Variants in WWP1 observed in about 807,000 individuals in gnomAD.
The protein encoded by WWP1 is NEDD4-like E3 ubiquitin-protein ligase WWP1.
In WWP1, 49 loss-of-function variants were observed where a neutral mutation model predicts 130.6. The observed-to-expected ratio is 0.38, with a 90% CI of 0.30 to 0.48. The LOEUF is 0.48. Among genes scored for constraint, WWP1 ranks in the 20% least tolerant of loss-of-function variants. WWP1 has a pLI of 0.99. For synonymous variants in WWP1, 332 were observed against 367.8 expected, an observed-to-expected ratio of 0.90 and a Z score of 1.11; for missense variants, 809 against 1,100.6, an observed-to-expected ratio of 0.74 and a Z score of 3.75.
At chr8:86,350,733 T>G (rs951881028) in intron 1 of WWP1, among the ~76,000 whole-genome samples, 1 of 152,178 alleles carries the variant, frequency 6.6e-6, no homozygotes, top group Non-Finnish European at 1.5e-5. Flanking sequence ...GGAAAACAAG[T>G]TCTTTTGATA....
intron 2 of WWP1, among the ~76,000 whole-genome samples, chr8:86,373,343 T>A (rs1824443347): frequency 1.3e-5 from 2 of 152,180 alleles, no homozygotes; most frequent in South Asian, 4.1e-4. Flanking sequence ...TCTGTTGATG[T>A]TATTAAATCC....
chr8:86,406,368 C>G lies in WWP1; in HGVS notation c.724+4165C>G, dbSNP rs1387300571. ...AACTTCTAGTGTCAAATAACTTTTTCTAATATATAGTTGTTATTTTATTAA... is the reference window on the plus strand; with the variant it reads ...AACTTCTAGTGTCAAATAACTTTTTGTAATATATAGTTGTTATTTTATTAA... On this transcript the variant is annotated intron_variant, in intron 8 of 24. Coordinates refer to ENST00000517970, the MANE Select transcript of WWP1 (RefSeq NM_007013.4). Among the ~76,000 whole-genome samples, 12 of 152,216 alleles carry G rather than the reference C, an allele frequency of 7.9e-5. No homozygotes were observed. The East Asian group carries it at 9.6e-4, about 12-fold the overall frequency.
intron 22 of WWP1, among the ~76,000 whole-genome samples, chr8:86,458,333 C>A (rs916020925): frequency 6.6e-6 from 1 of 152,102 alleles, no homozygotes; most frequent in Admixed American, 6.5e-5. Context: ...CCACTTAATT[C>A]TAGAAGTAAA....
chr8:86,462,585 C>T (rs1340647570), intron 24 of WWP1, among the ~76,000 whole-genome samples: 1 of 152,098 alleles, frequency 6.6e-6, no homozygotes, highest in Non-Finnish European at 1.5e-5. Context: ...CCAGAAAAAT[C>T]GGCCAGAAAA....
chr8:86,389,997 C>G (rs866712618), intron 5 of WWP1, among the ~76,000 whole-genome samples: 17 of 149,626 alleles, frequency 1.1e-4, no homozygotes, highest in Admixed American at 8.6e-4. Context: ...CCGGCAGAGA[C>G]GCTCCTCACC....
In WWP1 at chr8:86,431,502, C is replaced by T. The variant is rs1212822913; in HGVS notation, c.1472+12C>T. 6.2e-7 allele frequency: 1 copy of T among 1,612,230 alleles called. No homozygotes were observed. The highest frequency in any genetic ancestry group is 8.5e-7 in the Non-Finnish European group (1 of 1,179,086). On this transcript the variant is annotated intron_variant, in intron 13 of 24. Transcript: ENST00000517970. ...CCAAGAACTCAAGGGTATGTATATA[C>T]AGCAGCCTTAAGTCGTCTTGCATAT...
At chr8:86,380,973 G>C in intron 4 of WWP1, 109 bp downstream of exon 4, 2 of 1,297,814 alleles carry the variant, frequency 1.5e-6, no homozygotes, top group South Asian at 4.3e-5. Context: ...TTTTTTTAAA[G>C]TGTGGATCGA....
At position 86,376,547 on chromosome 8, in the gene WWP1, G is replaced by A. The variant is rs113980980; in HGVS notation, c.70+2427G>A. On this transcript the variant is annotated intron_variant, in intron 3 of 24. Coordinates refer to ENST00000517970, the MANE Select transcript of WWP1 (RefSeq NM_007013.4). Reference sequence around the variant, plus strand: ...TGGCGTCACTGCATTCCAGCCTGGGGGATAAAGTGAGGCTCTGTCTCAAAA... The same window carrying A: ...TGGCGTCACTGCATTCCAGCCTGGGAGATAAAGTGAGGCTCTGTCTCAAAA... 8.8e-3 allele frequency among the ~76,000 whole-genome samples: 1,339 copies of A among 151,990 alleles called. 16 individuals carry two copies. Among genetic ancestry groups the A allele is most frequent in the African/African-American group, 0.03 (1,258 of 41,466 alleles).
At chr8:86,462,207 G>T (rs943655215) in intron 24 of WWP1, among the ~76,000 whole-genome samples, 2 of 152,186 alleles carry the variant, frequency 1.3e-5, no homozygotes, top group African/African-American at 4.8e-5. Flanking sequence ...AGGGAAAAAT[G>T]AGAGTACTCT....
intron 5 of WWP1, among the ~76,000 whole-genome samples, chr8:86,397,809 GA>G (rs1471006082): frequency 5.9e-5 from 9 of 152,022 alleles, no homozygotes; most frequent in Admixed American, 5.9e-4. Flanking sequence ...AGCATTTATC[GA>G]GCACTTATAA....
At chr8:86,363,212 A>G (rs1823771063) in intron 1 of WWP1, among the ~76,000 whole-genome samples, 1 of 152,152 alleles carries the variant, frequency 6.6e-6, no homozygotes, top group Non-Finnish European at 1.5e-5. Context: ...GGAAACAACA[A>G]CAAAAAAAGC....
Position 86,468,471 on chromosome 8 carries a change from T to TA in WWP1, c.*1579dup, listed in dbSNP as rs759918842. ...CTAATGTATGTGACAGGTTATGTGATAGAGGGAAACTGGCCTTCAAAAAGG... is the reference window on the plus strand; with the variant it reads ...CTAATGTATGTGACAGGTTATGTGATAAGAGGGAAACTGGCCTTCAAAAAGG... On this transcript the variant is annotated 3_prime_UTR_variant, in exon 25 of 25. Coordinates refer to ENST00000517970, the MANE Select transcript of WWP1 (RefSeq NM_007013.4). 1.4e-4 allele frequency: 61 copies of TA among 428,220 alleles called. No individual in the cohort carries two copies. The highest frequency in any genetic ancestry group is 2.0e-4 in the Non-Finnish European group (43 of 218,758). The allele number at this position is 428,220 out of a possible 1,614,324, so 26.5% of individuals were successfully genotyped here. A position where few individuals can be genotyped will look rare whatever the true frequency, so the allele number is the denominator to read the frequency against.
rs1224722556 is a variant in WWP1 at position 86,431,711 on chromosome 8, A to G, written c.1569A>G (p.Thr523=). 3 of 1,613,986 alleles carry G rather than the reference A, an allele frequency of 1.9e-6. No homozygotes were observed. The highest frequency in any genetic ancestry group is 2.5e-6 in the Non-Finnish European group (3 of 1,179,928). Residue 523 remains threonine (T), a synonymous_variant, in exon 14 of 25, where the codon ACA becomes ACG. Coordinates refer to ENST00000517970, the MANE Select transcript of WWP1 (RefSeq NM_007013.4). ...YFVDHNTRTT[T]FKDPRNGKSS... is the part of the protein sequence containing the mutation. ...TTGATCATAACACAAGAACAACAAC[A>G]TTCAAAGATCCTCGCAATGGGAAGT... is the stretch of plus-strand genomic sequence containing the variant.
intron 23 of WWP1, chr8:86,461,532 G>T: frequency 1.6e-6 from 1 of 623,328 alleles, no homozygotes; most frequent in Non-Finnish European, 2.8e-6. Context: ...CCATTGCTTT[G>T]CTCCCTATGG....
intron 5 of WWP1, among the ~76,000 whole-genome samples, chr8:86,388,258 T>G (rs566179792): frequency 4.5e-5 from 6 of 132,138 alleles, no homozygotes; most frequent in African/African-American, 1.5e-4. Context: ...AGGTTGTCTG[T>G]TTTTTTTTTC....
rs1221064056 is a variant in WWP1 at position 86,436,548 on chromosome 8, A to AT, written c.1749+844_1749+845insT. Among the ~76,000 whole-genome samples the AT allele has an allele frequency of 2.4e-3, 372 of 152,302 alleles. 1 individual carries two copies. Among genetic ancestry groups the AT allele is most frequent in the Non-Finnish European group, 4.1e-3 (281 of 68,022 alleles). On this transcript the variant is annotated intron_variant, in intron 16 of 24. Coordinates refer to ENST00000517970, the MANE Select transcript of WWP1 (RefSeq NM_007013.4). ...CTTACTAGAATGTGAGCTCCATGAG[A>AT]GCAGGGACTATTGGTTTACTGCTGT... is the stretch of plus-strand genomic sequence containing the variant.
intron 7 of WWP1, among the ~76,000 whole-genome samples, chr8:86,401,634 C>A (rs1006742261): frequency 2.0e-5 from 3 of 151,402 alleles, no homozygotes; most frequent in Non-Finnish European, 4.4e-5. Context: ...TTTGAAACTA[C>A]TTTCAGAGCT....
At chr8:86,452,901 G>A (rs1293151350) in intron 21 of WWP1, among the ~76,000 whole-genome samples, 1 of 152,052 alleles carries the variant, frequency 6.6e-6, no homozygotes, top group African/African-American at 2.4e-5. Context: ...TCATCAATCA[G>A]TGTCACTTGT....
chr8:86,385,567 G>GC, intron 5 of WWP1, among the ~76,000 whole-genome samples: 1 of 152,330 alleles, frequency 6.6e-6, no homozygotes, highest in South Asian at 2.1e-4. Context: ...ACAATATGGA[G>GC]CAGGTGACTG....
Sources: allele counts gnomAD v4.1 joint callset (sites outside exome capture counted in the v4.1 genomes callset), GRCh38; gene constraint gnomAD v4.1.1; transcripts MANE v1.5; gene names NCBI Gene and HGNC (gene_info 2026-07-23, HGNC 2026-07-21).